MOBP: variants seen among roughly 807,000 people sequenced by gnomAD.
MOBP encodes myelin associated oligodendrocyte basic protein.
Under a neutral mutation model 15.0 loss-of-function variants are expected in MOBP, and 5 were observed. That is an observed-to-expected ratio of 0.33 (90% CI 0.17 to 0.70). The LOEUF is 0.70. Ranked by LOEUF, MOBP falls within the 30% of genes least tolerant of loss-of-function variation. The pLI is 0.67. For missense variants in MOBP, 188 were observed against 257.8 expected (o/e 0.73, Z 1.85); for synonymous variants, 88 against 99.0 (o/e 0.89, Z 0.66).
At chr3:39,513,020 C>A (rs755528233) in intron 4 of MOBP, among the ~76,000 whole-genome samples, 1 of 152,160 alleles carries the variant, frequency 6.6e-6, no homozygotes, top group Non-Finnish European at 1.5e-5. Flanking sequence ...TATGTATGTA[C>A]ATTCACATCT....
chr3:39,513,605 A>T, exon 5 of MOBP: 1 of 635,104 alleles, frequency 1.6e-6, no homozygotes, highest in East Asian at 2.7e-5. Context: ...GCCTGCCTGG[A>T]GGTGAGCAGG....
chr3:39,482,941 C>T (rs1393441548), intron 2 of MOBP, among the ~76,000 whole-genome samples: 1 of 152,114 alleles, frequency 6.6e-6, no homozygotes, highest in Non-Finnish European at 1.5e-5. Context: ...GCTGCAATAA[C>T]ATTGACTCAC....
chr3:39,505,979 C>T (rs1187294813), downstream of MOBP, among the ~76,000 whole-genome samples: 1 of 152,160 alleles, frequency 6.6e-6, no homozygotes, highest in Non-Finnish European at 1.5e-5. Flanking sequence ...ACACGTTCAT[C>T]AGAATATGCA....
intron 1 of MOBP, among the ~76,000 whole-genome samples, chr3:39,471,148 C>G (rs576693839): frequency 1.1e-4 from 11 of 102,538 alleles, no homozygotes; most frequent in Non-Finnish European, 2.1e-4. Context: ...TTTTTTTTTG[C>G]GATGGAGTCT....
chr3:39,519,935 C>CTTA (rs1459859644), downstream of MOBP, among the ~76,000 whole-genome samples: 14 of 150,928 alleles, frequency 9.3e-5, no homozygotes, highest in African/African-American at 3.2e-4. Context: ...CACCTCAATG[C>CTTA]GTACATCTCT....
chr3:39,513,118 A>G (rs1167453052), intron 4 of MOBP, among the ~76,000 whole-genome samples: 3 of 152,212 alleles, frequency 2.0e-5, no homozygotes, highest in Non-Finnish European at 4.4e-5. Context: ...AATTATCTAC[A>G]ATGATTAACC....
intron 2 of MOBP, among the ~76,000 whole-genome samples, chr3:39,489,381 A>T (rs2042761558): frequency 6.6e-6 from 1 of 152,148 alleles, no homozygotes; most frequent in Admixed American, 6.6e-5. Flanking sequence ...GAGCATAGGG[A>T]CCTTCTTTGT....
intron 1 of MOBP, among the ~76,000 whole-genome samples, chr3:39,479,299 A>G (rs1291392421): frequency 6.6e-6 from 1 of 152,138 alleles, no homozygotes; most frequent in Non-Finnish European, 1.5e-5. Flanking sequence ...CCTTATTACT[A>G]GAATAAAAAT....
chr3:39,526,944 T>G (rs2043331085), downstream of MOBP: 1 of 151,940 alleles, frequency 6.6e-6, no homozygotes, highest in African/African-American at 2.4e-5. Context: ...GCCTGGCTAA[T>G]TTTGTATTTT....
intron 2 of MOBP, among the ~76,000 whole-genome samples, chr3:39,482,418 G>A (rs1259884812): frequency 1.3e-5 from 2 of 152,048 alleles, no homozygotes; most frequent in East Asian, 1.9e-4. Context: ...TTGGGAGGCC[G>A]AGGTGGGCGG....
chr3:39,495,750 C>CAAAAAAAAA (rs1179926622), intron 2 of MOBP, among the ~76,000 whole-genome samples: 2 of 60,152 alleles, frequency 3.3e-5, no homozygotes, highest in African/African-American at 6.0e-5. Context: ...GAGACCTTGT[C>CAAAAAAAAA]AAAAAAAAAA....
In MOBP at chr3:39,502,008, T is replaced by C; in HGVS notation, c.-4-58T>C. The C allele has an allele frequency of 6.9e-7, 1 of 1,444,106 alleles. No homozygotes were observed. The highest frequency in any genetic ancestry group is 9.7e-7 in the Non-Finnish European group (1 of 1,029,314). 89.5% of individuals were successfully genotyped at this position (1,444,106 alleles called of 1,614,324 possible). ...GCAGGGGGCTTCCAGAGTAGAGGGC[T>C]CCCTTTCCTGATGTGCGTTTATGTC... is the stretch of plus-strand genomic sequence containing the variant. On this transcript the variant is annotated intron_variant, in intron 2 of 3. Coordinates refer to ENST00000684792, the MANE Select transcript of MOBP (RefSeq NM_001393704.1). This position sits in a 1 kb window ranked among gnomAD's most constrained non-coding sequence, Gnocchi z 6.3.
In MOBP at chr3:39,502,156, G is replaced by A; in HGVS notation, c.87G>A (p.Pro29=). The A allele has an allele frequency of 1.2e-6, 2 of 1,614,218 alleles. No homozygotes were observed. The highest frequency in any genetic ancestry group is 1.7e-6 in the Non-Finnish European group (2 of 1,180,030). ...SEHFSIHCCP[P]FTFLNSKKEI... is the part of the protein sequence containing the mutation. Reference sequence around the variant, plus strand: ...ACTTCAGCATACACTGCTGCCCGCCGTTCACCTTCCTCAATTCCAAGAAGG... The same window carrying A: ...ACTTCAGCATACACTGCTGCCCGCCATTCACCTTCCTCAATTCCAAGAAGG... Residue 29 remains proline, a synonymous_variant, in exon 3 of 4, where the codon CCG becomes CCA. Coordinates refer to ENST00000684792, the MANE Select transcript of MOBP (RefSeq NM_001393704.1). This position sits in a 1 kb window ranked among gnomAD's most constrained non-coding sequence, Gnocchi z 6.3.
At chr3:39,523,504 CA>C (rs1286651741) in intron 3 of MOBP, among the ~76,000 whole-genome samples, 1 of 152,152 alleles carries the variant, frequency 6.6e-6, no homozygotes, top group Non-Finnish European at 1.5e-5. Flanking sequence ...TTAAACATAA[CA>C]ACTCTTCTGA....
exon 5 of MOBP, chr3:39,515,513 G>T (rs975007372): frequency 2.0e-5 from 3 of 152,158 alleles, no homozygotes; most frequent in African/African-American, 7.2e-5. Context: ...CAGGGGACAA[G>T]GTTCATTGTT....
intron 2 of MOBP, among the ~76,000 whole-genome samples, chr3:39,493,328 TA>T (rs1410476781): frequency 1.3e-5 from 2 of 152,178 alleles, no homozygotes; most frequent in African/African-American, 4.8e-5. Flanking sequence ...ATGTAATGAT[TA>T]AAGATAGCAA....
At chr3:39,486,183 T>C (rs1227146679) in intron 2 of MOBP, among the ~76,000 whole-genome samples, 1 of 152,212 alleles carries the variant, frequency 6.6e-6, no homozygotes, top group Non-Finnish European at 1.5e-5. Context: ...TTTACCTTGG[T>C]TGGGGTCCTG....
At chr3:39,514,658 C>T (rs530296380) in exon 5 of MOBP, 1 of 152,406 alleles carries the variant, frequency 6.6e-6, no homozygotes, top group South Asian at 2.1e-4. Flanking sequence ...AGATTTCTCT[C>T]TCTGTGTAGG....
chr3:39,520,019 G>A (rs143421833), downstream of MOBP, among the ~76,000 whole-genome samples: 16 of 124,422 alleles, frequency 1.3e-4, no homozygotes, highest in African/African-American at 4.8e-4. Flanking sequence ...TTATAGATTT[G>A]TAGCAGAGCT....
Sources: allele counts gnomAD v4.1 joint callset (sites outside exome capture counted in the v4.1 genomes callset), GRCh38; gene constraint gnomAD v4.1.1; non-coding constraint Gnocchi (gnomAD v3.1); transcripts MANE v1.5; gene names NCBI Gene and HGNC (gene_info 2026-07-23, HGNC 2026-07-21).